Variants in BMPR1A observed in about 807,000 individuals in gnomAD.
The protein encoded by BMPR1A is bone morphogenetic protein receptor type-1A.
In BMPR1A, 7 loss-of-function variants were observed where a neutral mutation model predicts 66.0. That is an observed-to-expected ratio of 0.11 (90% CI 0.06 to 0.20). The LOEUF (loss-of-function observed/expected upper bound fraction) is 0.20, where lower values mean the gene tolerates loss of function less well. Ranked by LOEUF, BMPR1A falls within the 10% of genes least tolerant of loss-of-function variation. BMPR1A has a pLI of 1.00. For missense variants in BMPR1A, 408 were observed against 669.1 expected, an observed-to-expected ratio of 0.61 and a Z score of 4.31; for synonymous variants, 200 against 229.7, an observed-to-expected ratio of 0.87 and a Z score of 1.17.
At chr10:86,796,527 A>T (rs1036616777) in intron 1 of BMPR1A, among the ~76,000 whole-genome samples, 3 of 137,136 alleles carry the variant, frequency 2.2e-5, no homozygotes, top group African/African-American at 5.2e-5. Context: ...TTATTTATTT[A>T]TTTTTAGTAT....
chr10:86,849,746 C>G (rs569894624), intron 2 of BMPR1A, among the ~76,000 whole-genome samples: 1 of 152,308 alleles, frequency 6.6e-6, no homozygotes, highest in South Asian at 2.1e-4. Context: ...TGAGCAGTAT[C>G]TAGAACAATG....
intron 1 of BMPR1A, among the ~76,000 whole-genome samples, chr10:86,835,249 GAAAA>G (rs200647478): frequency 3.4e-5 from 4 of 117,392 alleles, no homozygotes; most frequent in African/African-American, 6.5e-5. Flanking sequence ...AAGAAAAAAA[GAAAA>G]AAAAAAAAAA....
At chr10:86,866,202 C>CTA (rs1842782444) in intron 2 of BMPR1A, among the ~76,000 whole-genome samples, 1 of 149,254 alleles carries the variant, frequency 6.7e-6, no homozygotes, top group African/African-American at 2.5e-5. Flanking sequence ...AAAGCAGAAT[C>CTA]TATAGATAGA....
At position 86,927,684 on chromosome 10, in the gene BMPR1A, T is replaced by TAA. The variant is rs1843762863; in HGVS notation, c.*3969_*3970dup. ...TTAGTGACCTTTGTCCTGGCCCATTTAAAAACTAAAATGTAGTATATATTG... is the reference window on the plus strand; with the variant it reads ...TTAGTGACCTTTGTCCTGGCCCATTTAAAAAAACTAAAATGTAGTATATATTG... On this transcript the variant is annotated 3_prime_UTR_variant, in exon 13 of 13. Transcript: ENST00000372037. The TAA allele has an allele frequency of 5.0e-6, 1 of 198,396 alleles. No individual in the cohort carries two copies. Among genetic ancestry groups the TAA allele is most frequent in the East Asian group, 7.9e-5 (1 of 12,584 alleles). The allele number at this position is 198,396 out of a possible 1,614,324, so 12.3% of individuals were successfully genotyped here.
At chr10:86,805,736 C>T (rs970772311) in intron 1 of BMPR1A, among the ~76,000 whole-genome samples, 1 of 152,140 alleles carries the variant, frequency 6.6e-6, no homozygotes, top group African/African-American at 2.4e-5. Context: ...GCTGGGATTA[C>T]AGGTATGAGC....
intron 1 of BMPR1A, among the ~76,000 whole-genome samples, chr10:86,800,540 C>A (rs1261025941): frequency 6.6e-6 from 1 of 152,118 alleles, no homozygotes; most frequent in African/African-American, 2.4e-5. Flanking sequence ...TACAGGCTTC[C>A]GCCACCATGC....
intron 2 of BMPR1A, among the ~76,000 whole-genome samples, chr10:86,868,703 G>T (rs185464891): frequency 2.0e-5 from 3 of 151,984 alleles, no homozygotes; most frequent in Non-Finnish European, 4.4e-5. Flanking sequence ...TCAACGGTGG[G>T]GGGCTTAACA....
At chr10:86,765,272 G>A (rs892516218) in intron 1 of BMPR1A, among the ~76,000 whole-genome samples, 3 of 151,982 alleles carry the variant, frequency 2.0e-5, no homozygotes, top group Non-Finnish European at 4.4e-5. Context: ...AGGATCACGA[G>A]GTCAGGAACT....
At chr10:86,775,685 G>A (rs1284050747) in intron 1 of BMPR1A, among the ~76,000 whole-genome samples, 1 of 151,950 alleles carries the variant, frequency 6.6e-6, no homozygotes, top group Non-Finnish European at 1.5e-5. Context: ...TAATGTAATA[G>A]CTTGCAGTAA....
In BMPR1A at chr10:86,885,944, C is replaced by G. The variant is rs960236118; in HGVS notation, c.68-4118C>G. Among the ~76,000 whole-genome samples, 14 of 152,196 alleles carry G rather than the reference C, an allele frequency of 9.2e-5. 1 individual carries two copies. The Middle Eastern group carries it at 0.014, about 148-fold the overall frequency. ...AAAAATTGCTGTTGATGACAAGGAC[C>G]TGTAAATGTGCCTGTGTATGGTCAT... On this transcript the variant is annotated intron_variant, in intron 3 of 12. Coordinates refer to ENST00000372037, the MANE Select transcript of BMPR1A (RefSeq NM_004329.3).
At chr10:86,835,106 TG>T (rs1233188332) in intron 1 of BMPR1A, among the ~76,000 whole-genome samples, 19 of 152,060 alleles carry the variant, frequency 1.2e-4, no homozygotes, top group Middle Eastern at 3.4e-3. Flanking sequence ...GCTTAGGGCA[TG>T]GCCGTACTTG....
At chr10:86,774,963 A>C in intron 1 of BMPR1A, among the ~76,000 whole-genome samples, 1 of 152,224 alleles carries the variant, frequency 6.6e-6, no homozygotes, top group East Asian at 1.9e-4. Context: ...AGCAAACCCA[A>C]CGGGTAAAAT....
downstream of BMPR1A, chr10:86,929,562 A>AAAGAAATGCGTGTCTG (rs1835157499): frequency 6.6e-6 from 1 of 152,230 alleles, no homozygotes; most frequent in Non-Finnish European, 1.5e-5. Context: ...TTGTTCCTCA[A>AAAGAAATGCGTGTCTG]AAGAAATGCG....
At position 86,924,040 on chromosome 10, in the gene BMPR1A, C is replaced by T. The variant is rs546449017; in HGVS notation, c.*321C>T. On this transcript the variant is annotated 3_prime_UTR_variant, in exon 13 of 13. Coordinates refer to ENST00000372037, the MANE Select transcript of BMPR1A (RefSeq NM_004329.3). ...CAGTCAAGCTCTGGGTACTGAATTG[C>T]CTGTTCATAAAACGGTGCTTTCTGT... The T allele has an allele frequency of 3.6e-4, 155 of 425,702 alleles. No homozygotes were observed. The highest frequency in any genetic ancestry group is 6.0e-4 in the Non-Finnish European group (138 of 229,754). 26.4% of individuals were successfully genotyped at this position (425,702 alleles called of 1,614,324 possible).
At chr10:86,806,470 C>T (rs1182086084) in intron 1 of BMPR1A, among the ~76,000 whole-genome samples, 1 of 152,156 alleles carries the variant, frequency 6.6e-6, no homozygotes, top group Non-Finnish European at 1.5e-5. Flanking sequence ...ACCCTTCTTA[C>T]TCCCTTATGT....
chr10:86,921,791 G>T, intron 11 of BMPR1A, 96 bp downstream of exon 11: 1 of 1,486,614 alleles, frequency 6.7e-7, no homozygotes. Flanking sequence ...AATTTTTGTG[G>T]GCACATAGTA....
chr10:86,912,390 T>C lies in BMPR1A; in HGVS notation c.675+6T>C, dbSNP rs1564722020. 1 of 1,613,988 alleles carries C rather than the reference T, an allele frequency of 6.2e-7. No individual in the cohort carries two copies. Among genetic ancestry groups the C allele is most frequent in the Non-Finnish European group, 8.5e-7 (1 of 1,179,926 alleles). On this transcript the variant is annotated splice_donor_region_variant and intron_variant, in intron 8 of 12. Transcript: ENST00000372037. The stretch of plus-strand genomic sequence containing the variant: ...GGTCTGGACTACCTTTATTGGTAAG[T>C]TAAACGTTCCTATAGACATGAATGG...
At position 86,876,116 on chromosome 10, in the gene BMPR1A, T is replaced by G. The variant is rs772744158; in HGVS notation, c.67+31T>G. 2.5e-6 allele frequency: 4 copies of G among 1,569,914 alleles called. No homozygotes were observed. In the African/African-American group the frequency reaches 4.1e-5, roughly 16 times the overall value. On this transcript the variant is annotated intron_variant, in intron 3 of 12. Transcript: ENST00000372037. ...TCAGTGTTCATTTTAGTAATGTATG[T>G]GTGTATATAAAAAGCACTATTTCTT...
rs1841591094 is a variant in BMPR1A, at chr10:86,790,191, ATATATATATATATATATATATAT to A, written c.-268+33273_-268+33295del. On this transcript the variant is annotated intron_variant, in intron 1 of 12. Transcript: ENST00000372037. Reference sequence around the variant, plus strand: ...AAAAAAAAAAAAAAAAAAAAAAAATATATATATATATATATATATATATATATATATATATATATATATATCAA... The same window carrying A: ...AAAAAAAAAAAAAAAAAAAAAAAATAATATATATATATATATATATATCAA... 2.1e-4 allele frequency among the ~76,000 whole-genome samples: 2 copies of A among 9,312 alleles called. 1 individual carries two copies. The highest frequency in any genetic ancestry group is 1.4e-3 in the African/African-American group (2 of 1,476). The allele number at this position is 9,312 out of a possible 152,430, so 6.1% of individuals were successfully genotyped here.
Sources: gnomAD v4.1 joint callset for allele counts (sites outside exome capture counted in the v4.1 genomes callset) on GRCh38, gnomAD v4.1.1 for gene constraint, MANE v1.5 for transcripts, NCBI Gene and HGNC (gene_info 2026-07-23, HGNC 2026-07-21) for gene names.